ZNF423: variants seen among roughly 807,000 people sequenced by gnomAD.
ZNF423 encodes zinc finger protein 423.
ZNF423 carries 12 observed loss-of-function variants against 95.8 expected under a neutral mutation model. That is an observed-to-expected ratio of 0.13 (90% confidence interval 0.08 to 0.20). The LOEUF (loss-of-function observed/expected upper bound fraction) is 0.20. ZNF423 is among the 10% of genes least tolerant of loss of function. The pLI, the probability that ZNF423 is intolerant of heterozygous loss-of-function variation, is 1.00. For synonymous variants in ZNF423, 749 were observed against 711.9 expected (o/e 1.05, Z -0.83); for missense variants, 1,316 against 1,737.1 (o/e 0.76, Z 4.31).
chr16:49,653,326 A>AG, intron 3 of ZNF423, among the ~76,000 whole-genome samples: 2 of 151,902 alleles, frequency 1.3e-5, no homozygotes, highest in South Asian at 4.2e-4. Context: ...AAAAAAAAAA[A>AG]AAAAAGAATT....
chr16:49,853,820 T>C, intron 1 of ZNF423: 1 of 985,388 alleles, frequency 1.0e-6, no homozygotes, highest in Non-Finnish European at 1.2e-6. Flanking sequence ...TGCTCTCCTT[T>C]TGCTTTCTGG....
chr16:49,571,763 C>A (rs1268850861), intron 5 of ZNF423, among the ~76,000 whole-genome samples: 1 of 152,130 alleles, frequency 6.6e-6, no homozygotes, highest in Non-Finnish European at 1.5e-5. Context: ...GTGAAATGCA[C>A]AGCCCCTCCC....
chr16:49,658,453 C>T (rs575201189), intron 3 of ZNF423, among the ~76,000 whole-genome samples: 6 of 152,248 alleles, frequency 3.9e-5, no homozygotes, highest in Non-Finnish European at 8.8e-5. Flanking sequence ...AAATCTACAA[C>T]ACGACAGAGG....
chr16:49,818,153 A>G (rs1280041519), intron 1 of ZNF423, among the ~76,000 whole-genome samples: 1 of 150,992 alleles, frequency 6.6e-6, no homozygotes, highest in African/African-American at 2.4e-5. Flanking sequence ...TAATTCCCCT[A>G]CTCCTTGATG....
intron 1 of ZNF423, among the ~76,000 whole-genome samples, chr16:49,797,470 T>C (rs781774066): frequency 6.6e-6 from 1 of 152,154 alleles, no homozygotes; most frequent in Non-Finnish European, 1.5e-5. Context: ...CGCTCCTAGG[T>C]CAAATGACCA....
At chr16:49,693,848 A>T (rs1406585469) in intron 3 of ZNF423, among the ~76,000 whole-genome samples, 1 of 152,208 alleles carries the variant, frequency 6.6e-6, no homozygotes, top group Non-Finnish European at 1.5e-5. Flanking sequence ...ACTCCTAAGG[A>T]TCCGGCCAGG....
In ZNF423 at chr16:49,638,837, C is replaced by A. The variant is rs191436768; in HGVS notation, c.339G>T (p.Ser113=). The A allele has an allele frequency of 1.2e-6, 2 of 1,612,256 alleles. No individual in the cohort carries two copies. The highest frequency in any genetic ancestry group is 1.7e-6 in the Non-Finnish European group (2 of 1,178,824). ...DDDPQLSWVA[S]SPSSKDVASP... Reference sequence around the variant, plus strand: ...ACGCAACATCCTTGCTGGAGGGAGACGAGGCCACCCAGGAGAGTTGTGGGT... The same window carrying A: ...ACGCAACATCCTTGCTGGAGGGAGAAGAGGCCACCCAGGAGAGTTGTGGGT... The change falls in exon 4 of 8, where the codon TCG becomes TCT. Residue 113 remains serine (S), a synonymous_variant. Coordinates refer to ENST00000563137, the MANE Select transcript of ZNF423 (RefSeq NM_001379286.1). The surrounding 1 kb of genome is among the most constrained non-coding windows in gnomAD (Gnocchi z 5.6).
intron 1 of ZNF423, among the ~76,000 whole-genome samples, chr16:49,817,980 G>A (rs1254600084): frequency 6.6e-6 from 1 of 151,938 alleles, no homozygotes; most frequent in Admixed American, 6.6e-5. Context: ...TTTTGAGTTC[G>A]TCAACTGTGC....
At chr16:49,762,729 C>T (rs1355349176) in intron 2 of ZNF423, among the ~76,000 whole-genome samples, 2 of 152,180 alleles carry the variant, frequency 1.3e-5, no homozygotes, top group Admixed American at 6.5e-5. Flanking sequence ...CTCTCGGGAA[C>T]GGCCTAGGTG....
rs181695817 is a variant in ZNF423 at position 49,838,321 on chromosome 16, C to T, written c.40+17414G>A. On this transcript the variant is annotated intron_variant, in intron 1 of 7. Coordinates refer to ENST00000563137, the MANE Select transcript of ZNF423 (RefSeq NM_001379286.1). ...GTGGGGCACTGGGCCATTTATTTTA[C>T]TTCCCCGTGCCTCGGTTTCCTCCTC... Among the ~76,000 whole-genome samples, 231 of 152,346 alleles carry T rather than the reference C, an allele frequency of 1.5e-3. 1 individual carries two copies. The highest frequency in any genetic ancestry group is 3.0e-3 in the Non-Finnish European group (205 of 68,030).
chr16:49,771,190 T>C (rs921224956), intron 2 of ZNF423, among the ~76,000 whole-genome samples: 1 of 141,982 alleles, frequency 7.0e-6, no homozygotes, highest in Non-Finnish European at 1.5e-5. Context: ...TTTTTTTTTT[T>C]TCTTTTTTTT....
chr16:49,784,709 G>C (rs1226499597), intron 2 of ZNF423, among the ~76,000 whole-genome samples: 1 of 152,150 alleles, frequency 6.6e-6, no homozygotes, highest in Non-Finnish European at 1.5e-5. Flanking sequence ...CAGTACTTTG[G>C]GAGGCTAAGG....
In ZNF423 at chr16:49,832,279, C is replaced by T. The variant is rs142745120; in HGVS notation, c.40+23456G>A. ...CAAGCCAGCTGACCGAGCTGGGCGG[C>T]GATGCTGCCTGAGTCTGAAAAACAG... On this transcript the variant is annotated intron_variant, in intron 1 of 7. Coordinates refer to ENST00000563137, the MANE Select transcript of ZNF423 (RefSeq NM_001379286.1). Among the ~76,000 whole-genome samples the T allele has an allele frequency of 2.6e-3, 398 of 152,326 alleles. 1 individual carries two copies. The Middle Eastern group carries it at 0.031, about 12-fold the overall frequency.
chr16:49,831,513 A>C (rs550663251), intron 1 of ZNF423, among the ~76,000 whole-genome samples: 1 of 152,198 alleles, frequency 6.6e-6, no homozygotes, highest in East Asian at 1.9e-4. Flanking sequence ...GAACTAATAT[A>C]ACTATTAGCT....
intron 4 of ZNF423, among the ~76,000 whole-genome samples, chr16:49,626,616 T>G (rs1972281161): frequency 6.6e-6 from 1 of 151,732 alleles, no homozygotes; most frequent in African/African-American, 2.4e-5. Flanking sequence ...CATCCACCCA[T>G]CTACATACAC....
In ZNF423 at chr16:49,638,653, T is replaced by C; in HGVS notation, c.523A>G (p.Lys175Glu). The C allele has an allele frequency of 6.2e-7, 1 of 1,614,096 alleles. No homozygotes were observed. Among genetic ancestry groups the C allele is most frequent in the South Asian group, 1.1e-5 (1 of 91,082 alleles). Residue 175 changes from lysine to glutamate, a missense_variant, in exon 4 of 8, where the codon AAG (lysine) becomes GAG (glutamate). Transcript: ENST00000563137. This position sits in a 1 kb window ranked among gnomAD's most constrained non-coding sequence, Gnocchi z 5.6. ...EQIHSDKLPF[K>E]CTYCSRLFKH... Reference sequence around the variant, plus strand: ...AAGAGGCGGCTGCAGTAGGTGCACTTGAACGGCAGCTTGTCGCTGTGGATC... The same window carrying C: ...AAGAGGCGGCTGCAGTAGGTGCACTCGAACGGCAGCTTGTCGCTGTGGATC...
chr16:49,526,419 G>A (rs542715893), intron 5 of ZNF423, among the ~76,000 whole-genome samples: 13 of 152,264 alleles, frequency 8.5e-5, no homozygotes, highest in African/African-American at 3.1e-4. Flanking sequence ...AAGGCGCCGG[G>A]GGACACAGAG....
chr16:49,811,014 G>A (rs1025626064), intron 1 of ZNF423, among the ~76,000 whole-genome samples: 1 of 152,138 alleles, frequency 6.6e-6, no homozygotes, highest in Non-Finnish European at 1.5e-5. Context: ...AACTGATGCT[G>A]TTCAGCCCAG....
chr16:49,649,554 C>T (rs889375263), intron 3 of ZNF423, among the ~76,000 whole-genome samples: 3 of 151,858 alleles, frequency 2.0e-5, no homozygotes, highest in Non-Finnish European at 4.4e-5. Flanking sequence ...TCTTAGGTTT[C>T]TATGCTCTTA....
Sources: gnomAD v4.1 joint callset for allele counts (sites outside exome capture counted in the v4.1 genomes callset) on GRCh38, gnomAD v4.1.1 for gene constraint, Gnocchi (gnomAD v3.1) non-coding constraint, MANE v1.5 for transcripts, NCBI Gene and HGNC (gene_info 2026-07-23, HGNC 2026-07-21) for gene names.